OSTF1: variants seen among roughly 807,000 people sequenced by gnomAD.
The protein encoded by OSTF1 is osteoclast stimulating factor 1.
A neutral mutation model predicts 37.2 loss-of-function variants in OSTF1; 27 were observed. That is an observed-to-expected ratio of 0.73 (90% confidence interval 0.54 to 1.00). The LOEUF is 1.00. Ranked by LOEUF, OSTF1 falls within the 50% of genes least tolerant of loss-of-function variation. OSTF1 has a pLI of 0.00. For missense variants in OSTF1, 232 were observed against 253.8 expected (o/e 0.91, Z 0.58); for synonymous variants, 82 against 89.2 (o/e 0.92, Z 0.46).
At position 75,089,208 on chromosome 9, in the gene OSTF1, T is replaced by G. The variant is rs1434101817; in HGVS notation, c.34+482T>G. Among the ~76,000 whole-genome samples the G allele has an allele frequency of 7.9e-5, 12 of 151,680 alleles. No individual in the cohort carries two copies. In the East Asian group the frequency reaches 2.3e-3, roughly 29 times the overall value. ...TGGGCGAGCGAGCCTCCCTCGGGAC[T>G]TAAGCGTGGAGCAGCGTTTGAAATT... On this transcript the variant is annotated intron_variant, in intron 1 of 9. Coordinates refer to ENST00000346234, the MANE Select transcript of OSTF1 (RefSeq NM_012383.5).
At chr9:75,131,856 G>T in intron 5 of OSTF1, 33 bp downstream of exon 5, 1 of 1,546,646 alleles carries the variant, frequency 6.5e-7, no homozygotes, top group Non-Finnish European at 8.9e-7. Context: ...GAGGTATGCA[G>T]TACAGTAAAA....
chr9:75,133,526 C>T (rs919128292), intron 6 of OSTF1, 125 bp downstream of exon 6: 34 of 609,546 alleles, frequency 5.6e-5, no homozygotes, highest in Non-Finnish European at 8.4e-5. Flanking sequence ...TTTAGAATAC[C>T]GGCCAAAACC....
At chr9:75,096,761 C>T (rs1220314060) in intron 1 of OSTF1, among the ~76,000 whole-genome samples, 1 of 152,184 alleles carries the variant, frequency 6.6e-6, no homozygotes, top group African/African-American at 2.4e-5. Context: ...CGCTTCCAAA[C>T]TTTAGCTCGC....
chr9:75,117,644 T>G, intron 2 of OSTF1, 94 bp downstream of exon 2: 2 of 902,178 alleles, frequency 2.2e-6, no homozygotes, highest in South Asian at 2.9e-5. Context: ...CTGCCTTTTC[T>G]TTGATAGACC....
rs1163759855 is a variant in OSTF1, at chr9:75,117,557, G to C, written c.81+7G>C. On this transcript the variant is annotated splice_region_variant and intron_variant, in intron 2 of 9. Transcript: ENST00000346234. The stretch of plus-strand genomic sequence containing the variant: ...TACGTTTGAACCCAGAACTGTAAGT[G>C]TTCAGTTTTTAACTTCTAAAATTGA... The C allele has an allele frequency of 7.5e-6, 12 of 1,598,002 alleles. No homozygotes were observed. The highest frequency in any genetic ancestry group is 1.0e-5 in the Non-Finnish European group (12 of 1,166,208).
At chr9:75,120,883 C>A (rs1475433738) in intron 2 of OSTF1, among the ~76,000 whole-genome samples, 1 of 152,218 alleles carries the variant, frequency 6.6e-6, no homozygotes, top group Non-Finnish European at 1.5e-5. Context: ...ACCCATGGCC[C>A]TGTCCCTTCC....
At chr9:75,099,978 AATT>A (rs891159698) in intron 1 of OSTF1, among the ~76,000 whole-genome samples, 1 of 152,226 alleles carries the variant, frequency 6.6e-6, no homozygotes, top group African/African-American at 2.4e-5. Flanking sequence ...CATAGTTGAA[AATT>A]ATTATAGTGC....
At chr9:75,111,590 CCTTAA>C (rs985481542) in intron 1 of OSTF1, among the ~76,000 whole-genome samples, 2 of 152,106 alleles carry the variant, frequency 1.3e-5, no homozygotes, top group Non-Finnish European at 2.9e-5. Flanking sequence ...CTCGTTTTAA[CCTTAA>C]CTCAGTTGAA....
chr9:75,139,638 G>A (rs1825907948), intron 8 of OSTF1, among the ~76,000 whole-genome samples: 1 of 152,178 alleles, frequency 6.6e-6, no homozygotes, highest in African/African-American at 2.4e-5. Context: ...GGTCAGGCTG[G>A]TCTTGAACTC....
chr9:75,111,964 C>T (rs1248463251), intron 1 of OSTF1, among the ~76,000 whole-genome samples: 6 of 151,536 alleles, frequency 4.0e-5, no homozygotes, highest in African/African-American at 9.7e-5. Flanking sequence ...GCTGGGATTA[C>T]AGGTGTGTGC....
At chr9:75,092,546 T>A (rs1157340770) in intron 1 of OSTF1, among the ~76,000 whole-genome samples, 1 of 152,090 alleles carries the variant, frequency 6.6e-6, no homozygotes, top group Non-Finnish European at 1.5e-5. Context: ...TTGTTTTTTT[T>A]AAAAAAGCTT....
At chr9:75,093,394 T>A (rs1288086790) in intron 1 of OSTF1, among the ~76,000 whole-genome samples, 1 of 152,156 alleles carries the variant, frequency 6.6e-6, no homozygotes, top group Non-Finnish European at 1.5e-5. Context: ...ATTCTGAGAG[T>A]AAGAATGGGC....
At chr9:75,132,051 G>A (rs1476739364) in intron 5 of OSTF1, among the ~76,000 whole-genome samples, 2 of 152,210 alleles carry the variant, frequency 1.3e-5, no homozygotes, top group Non-Finnish European at 2.9e-5. Flanking sequence ...TAAAATGTCA[G>A]TCAAGAAACA....
intron 8 of OSTF1, among the ~76,000 whole-genome samples, chr9:75,138,669 AAAATT>A (rs1825880655): frequency 6.6e-6 from 1 of 152,246 alleles, no homozygotes; most frequent in Non-Finnish European, 1.5e-5. Context: ...TGGCTGTTAG[AAAATT>A]AAAAATTATA....
chr9:75,105,624 G>A (rs1825270174), intron 1 of OSTF1, among the ~76,000 whole-genome samples: 1 of 149,598 alleles, frequency 6.7e-6, no homozygotes, highest in Non-Finnish European at 1.5e-5. Flanking sequence ...TGCGGAGGTG[G>A]CATGATCAGG....
At position 75,088,642 on chromosome 9, in the gene OSTF1, G is replaced by A; in HGVS notation, c.-51G>A. On this transcript the variant is annotated 5_prime_UTR_variant, in exon 1 of 10. Transcript: ENST00000346234. ...GCCCGGAGTGCCAGGTGGCGGGCAA[G>A]CGGTGGGCTTTTCGGCGGGGTCTTT... The A allele has an allele frequency of 6.3e-7, 1 of 1,586,472 alleles. No homozygotes were observed. Among genetic ancestry groups the A allele is most frequent in the Non-Finnish European group, 8.6e-7 (1 of 1,164,592 alleles).
intron 7 of OSTF1, among the ~76,000 whole-genome samples, chr9:75,136,685 C>T (rs1431825566): frequency 6.6e-6 from 1 of 152,238 alleles, no homozygotes; most frequent in African/African-American, 2.4e-5. Context: ...AGCCACCATG[C>T]CTGGCCCTTA....
chr9:75,130,056 T>G (rs915457893), intron 3 of OSTF1, among the ~76,000 whole-genome samples: 1 of 152,156 alleles, frequency 6.6e-6, no homozygotes, highest in East Asian at 1.9e-4. Flanking sequence ...TGGGGGCATA[T>G]ATGAAACAAT....
intron 1 of OSTF1, among the ~76,000 whole-genome samples, chr9:75,109,205 G>T (rs1825342571): frequency 6.6e-6 from 1 of 151,942 alleles, no homozygotes; most frequent in African/African-American, 2.4e-5. Context: ...TAGAGATGAG[G>T]TTTCACCGTG....
Sources: gnomAD v4.1 joint callset for allele counts (sites outside exome capture counted in the v4.1 genomes callset) on GRCh38, gnomAD v4.1.1 for gene constraint, MANE v1.5 for transcripts, NCBI Gene and HGNC (gene_info 2026-07-23, HGNC 2026-07-21) for gene names.